The following TAP1 variants were observed in gnomAD, a reference collection of about 807,000 sequenced individuals.
TAP1 encodes antigen peptide transporter 1.
In TAP1, 56 loss-of-function variants were observed where a neutral mutation model predicts 79.3. The ratio of observed to expected loss-of-function variants is 0.71; its 90% confidence interval spans 0.57 to 0.88. The LOEUF (loss-of-function observed/expected upper bound fraction) is 0.88. Ranked by LOEUF, TAP1 falls within the 40% of genes least tolerant of loss-of-function variation. TAP1 has a pLI of 0.00. For missense variants in TAP1, 737 were observed against 936.3 expected (o/e 0.79, Z 2.78); for synonymous variants, 355 against 401.4 (o/e 0.88, Z 1.38).
At position 32,851,160 on chromosome 6, in the gene TAP1, G is replaced by C. The variant is rs1243992730; in HGVS notation, c.845-11C>G. 1 of 1,612,426 alleles carries C rather than the reference G, an allele frequency of 6.2e-7. No homozygotes were observed. The highest frequency in any genetic ancestry group is 8.5e-7 in the Non-Finnish European group (1 of 1,179,592). The stretch of plus-strand genomic sequence containing the variant: ...GAGACATGATGTTACCTGCAGGGTT[G>C]GGGAGAAGAGAGTGAGGTGAATCAG... On this transcript the variant is annotated splice_polypyrimidine_tract_variant and intron_variant, in intron 3 of 10. Transcript: ENST00000354258. This position sits in a 1 kb window ranked among gnomAD's most constrained non-coding sequence, Gnocchi z 4.8.
Position 32,848,995 on chromosome 6 carries a change from C to T in TAP1, c.1372G>A (p.Val458Met). 1 of 1,612,322 alleles carries T rather than the reference C, an allele frequency of 6.2e-7. No individual in the cohort carries two copies. The highest frequency in any genetic ancestry group is 8.5e-7 in the Non-Finnish European group (1 of 1,179,466). The change falls in exon 6 of 11, where the codon GTG (valine) becomes ATG (methionine). Residue 458 changes from valine to methionine, a missense_variant. Val to Met is a conservative substitution (Grantham distance 21). Coordinates refer to ENST00000354258, the MANE Select transcript of TAP1 (RefSeq NM_000593.6). The part of the protein sequence containing the change: ...VLYQMQFTQA[V>M]EVLLSIYPRV... The stretch of plus-strand genomic sequence containing the variant: ...TGAAGGTGGAGGGACCTCACCTCCA[C>T]AGCCTGGGTGAACTGCATCTGGTAG...
In TAP1 at chr6:32,850,943, C is replaced by G; in HGVS notation, c.1050+1G>C. On this transcript the variant is annotated splice_donor_variant, in intron 4 of 10. Transcript: ENST00000354258. LOFTEE classifies it high-confidence loss of function. The surrounding 1 kb of genome is among the most constrained non-coding windows in gnomAD (Gnocchi z 5.5). Reference sequence around the variant, plus strand: ...AGAGCGGGCCAACTCCATGAACATACCTGGTACCATTTTCCCACCTTCTTG... The same window carrying G: ...AGAGCGGGCCAACTCCATGAACATAGCTGGTACCATTTTCCCACCTTCTTG... The G allele has an allele frequency of 6.2e-7, 1 of 1,610,234 alleles. No individual in the cohort carries two copies. Among genetic ancestry groups the G allele is most frequent in the Non-Finnish European group, 8.5e-7 (1 of 1,179,124 alleles).
Position 32,852,814 on chromosome 6 carries a change from C to A in TAP1, c.598+225G>T. ...AAGGATTTCCCCGCTTCCGGCGTGG[C>A]CCAAAGAATCAAGACCCGGTCAGCA... is the stretch of plus-strand genomic sequence containing the variant. On this transcript the variant is annotated intron_variant, in intron 1 of 10. Transcript: ENST00000354258. This position sits in a 1 kb window ranked among gnomAD's most constrained non-coding sequence, Gnocchi z 4.8. 4.2e-6 allele frequency: 6 copies of A among 1,440,634 alleles called. No homozygotes were observed. In the South Asian group the frequency reaches 4.5e-5, roughly 11 times the overall value. 89.2% of individuals were successfully genotyped at this position (1,440,634 alleles called of 1,614,324 possible).
chr6:32,847,814 C>T lies in TAP1; in HGVS notation c.1740+105G>A. 4 of 1,579,854 alleles carry T rather than the reference C, an allele frequency of 2.5e-6. No homozygotes were observed. The highest frequency in any genetic ancestry group is 3.5e-6 in the Non-Finnish European group (4 of 1,150,726). ...CCTCCTGACTACACCACCATCTCCA[C>T]CCAAGGTCTCTTATCATTCCCTAAC... On this transcript the variant is annotated intron_variant, in intron 8 of 10. Coordinates refer to ENST00000354258, the MANE Select transcript of TAP1 (RefSeq NM_000593.6). The surrounding 1 kb of genome is among the most constrained non-coding windows in gnomAD (Gnocchi z 4.7).
chr6:32,848,882 G>T (rs1171233119), intron 6 of TAP1, 42 bp from the exon 7 acceptor site: 2 of 1,612,852 alleles, frequency 1.2e-6, no homozygotes, highest in African/African-American at 2.7e-5. Flanking sequence ...TAGTCTGCTT[G>T]CCAGCATTAT....
chr6:32,851,536 C>T lies in TAP1; in HGVS notation c.845-387G>A, dbSNP rs970539721. ...CATGCCAAAGTCTGTGGAGCACTCA[C>T]TGGGACTAGGGTTCTAACCCCAGGT... On this transcript the variant is annotated intron_variant, in intron 3 of 10. Coordinates refer to ENST00000354258, the MANE Select transcript of TAP1 (RefSeq NM_000593.6). The surrounding 1 kb of genome is among the most constrained non-coding windows in gnomAD (Gnocchi z 4.8). Among the ~76,000 whole-genome samples, 5 of 152,048 alleles carry T rather than the reference C, an allele frequency of 3.3e-5. No individual in the cohort carries two copies.
chr6:32,847,327 A>G lies in TAP1; in HGVS notation c.1904-123T>C. Reference sequence around the variant, plus strand: ...ACCAAGATCTGACGGTTGTAGCTGGATAGGGGAGATTCTGGGAAGATGAAC... The same window carrying G: ...ACCAAGATCTGACGGTTGTAGCTGGGTAGGGGAGATTCTGGGAAGATGAAC... On this transcript the variant is annotated intron_variant, in intron 9 of 10. Coordinates refer to ENST00000354258, the MANE Select transcript of TAP1 (RefSeq NM_000593.6). This position sits in a 1 kb window ranked among gnomAD's most constrained non-coding sequence, Gnocchi z 4.7. 1 of 1,520,706 alleles carries G rather than the reference A, an allele frequency of 6.6e-7. No individual in the cohort carries two copies. 94.2% of individuals were successfully genotyped at this position (1,520,706 alleles called of 1,614,324 possible).
chr6:32,845,973 T>A lies in TAP1; in HGVS notation c.2041-188A>T. On this transcript the variant is annotated intron_variant, in intron 10 of 10. Coordinates refer to ENST00000354258, the MANE Select transcript of TAP1 (RefSeq NM_000593.6). The surrounding 1 kb of genome is among the most constrained non-coding windows in gnomAD (Gnocchi z 4.5). ...TTGTTTCATTAAGGACTGTTTTACA[T>A]GAAGGGTGCAAAAGTAGGATAAAAA... 1 of 635,692 alleles carries A rather than the reference T, an allele frequency of 1.6e-6. No homozygotes were observed. The highest frequency in any genetic ancestry group is 1.7e-5 in the South Asian group (1 of 57,444). 39.4% of individuals were successfully genotyped at this position (635,692 alleles called of 1,614,324 possible). A position where few individuals can be genotyped will look rare whatever the true frequency, so the allele number is the denominator to read the frequency against.
rs779845052 is a variant in TAP1 at position 32,847,202 on chromosome 6, C to T, written c.1906G>A (p.Val636Ile). 25 of 1,611,528 alleles carry T rather than the reference C, an allele frequency of 1.6e-5. No homozygotes were observed. In the East Asian group the frequency reaches 5.6e-4, roughly 36 times the overall value. ...GACAGCTGGCTCCCAGCCTCGTCTA[C>T]CTCTGCAGAGCAAAGGGCCAAGATG... ...SGLPQGYDTE[V>I]DEAGSQLSGG... is the part of the protein sequence containing the mutation. The change falls in exon 10 of 11, where the codon GTA (valine) becomes ATA (isoleucine). Residue 636 changes from valine (V) to isoleucine (I), a missense_variant and splice_region_variant. Val to Ile is a conservative substitution (Grantham distance 29). Around this residue, in one of 5 missense-constraint regions of TAP1, gnomAD observed 266 missense variants for 332.4 expected, o/e 0.80. Transcript: ENST00000354258. The surrounding 1 kb of genome is among the most constrained non-coding windows in gnomAD (Gnocchi z 4.7).
rs927722672 is a variant in TAP1, at chr6:32,852,766, C to A, written c.599-264G>T. On this transcript the variant is annotated intron_variant, in intron 1 of 10. Transcript: ENST00000354258. This position sits in a 1 kb window ranked among gnomAD's most constrained non-coding sequence, Gnocchi z 4.8. The stretch of plus-strand genomic sequence containing the variant: ...AAGCCTCCTGTTAGAGATGAGGATG[C>A]CCCGCCCTTCGGCCCCAGAGCAAAG... 7 of 1,441,280 alleles carry A rather than the reference C, an allele frequency of 4.9e-6. No individual in the cohort carries two copies. Among genetic ancestry groups the A allele is most frequent in the Non-Finnish European group, 5.4e-6 (6 of 1,105,578 alleles). The allele number at this position is 1,441,280 out of a possible 1,614,324, so 89.3% of individuals were successfully genotyped here.
intron 5 of TAP1, 58 bp from the exon 6 acceptor site, chr6:32,849,176 G>T: frequency 6.4e-7 from 1 of 1,550,568 alleles, no homozygotes; most frequent in South Asian, 1.2e-5. Flanking sequence ...GGGACACAAA[G>T]AACCGCAGTC....
rs1209883031 is a variant in TAP1, at chr6:32,853,616, G to T, written c.21C>A (p.Pro7=). The part of the protein sequence containing the change: MASSRC[P]APRGCRCLPG... Reference sequence around the variant, plus strand: ...GGAGGCAGCGGCACCCGCGGGGAGCGGGACACCTAGAGCTAGCCATTGGCA... The same window carrying T: ...GGAGGCAGCGGCACCCGCGGGGAGCTGGACACCTAGAGCTAGCCATTGGCA... Residue 7 remains proline (P), a synonymous_variant, in exon 1 of 11, where the codon CCC becomes CCA. Coordinates refer to ENST00000354258, the MANE Select transcript of TAP1 (RefSeq NM_000593.6). The surrounding 1 kb of genome is among the most constrained non-coding windows in gnomAD (Gnocchi z 8.3). 1 of 1,611,962 alleles carries T rather than the reference G, an allele frequency of 6.2e-7. No homozygotes were observed. The highest frequency in any genetic ancestry group is 1.7e-5 in the Admixed American group (1 of 59,978).
rs1279117857 is a variant in TAP1 at position 32,848,072 on chromosome 6, G to T, written c.1587C>A (p.Arg529=). Reference sequence around the variant, plus strand: ...CCACCAGCGCCGTCACCTCGCCAGGGCGTAGGGTGAATGTCAGCCCCTAGA... The same window carrying T: ...CCACCAGCGCCGTCACCTCGCCAGGTCGTAGGGTGAATGTCAGCCCCTAGA... The part of the protein sequence containing the change: ...LVLQGLTFTL[R]PGEVTALVGP... The change falls in exon 8 of 11, where the codon CGC becomes CGA. Residue 529 remains arginine, a synonymous_variant. Coordinates refer to ENST00000354258, the MANE Select transcript of TAP1 (RefSeq NM_000593.6). The T allele has an allele frequency of 6.2e-7, 1 of 1,609,876 alleles. No homozygotes were observed. The highest frequency in any genetic ancestry group is 2.2e-5 in the East Asian group (1 of 44,682).
At position 32,846,051 on chromosome 6, in the gene TAP1, C is replaced by T. The variant is rs986030976; in HGVS notation, c.2041-266G>A. On this transcript the variant is annotated intron_variant, in intron 10 of 10. Coordinates refer to ENST00000354258, the MANE Select transcript of TAP1 (RefSeq NM_000593.6). ...AGAAGAATAAAGACTATTGAATAGT[C>T]CTCTTCTCTACCCATGGACTTGGCA... is the stretch of plus-strand genomic sequence containing the variant. 2.5e-5 allele frequency: 14 copies of T among 563,176 alleles called. No individual in the cohort carries two copies. The Admixed American group carries it at 2.7e-4, about 11-fold the overall frequency. The allele number at this position is 563,176 out of a possible 1,614,324, so 34.9% of individuals were successfully genotyped here. A position where few individuals can be genotyped will look rare whatever the true frequency, so the allele number is the denominator to read the frequency against.
At position 32,851,187 on chromosome 6, in the gene TAP1, C is replaced by T. The variant is rs770419101; in HGVS notation, c.845-38G>A. 2 of 1,601,548 alleles carry T rather than the reference C, an allele frequency of 1.2e-6. No homozygotes were observed. The highest frequency in any genetic ancestry group is 1.1e-5 in the South Asian group (1 of 90,330). On this transcript the variant is annotated intron_variant, in intron 3 of 10. Coordinates refer to ENST00000354258, the MANE Select transcript of TAP1 (RefSeq NM_000593.6). The surrounding 1 kb of genome is among the most constrained non-coding windows in gnomAD (Gnocchi z 4.8). ...GGAGAAGAGAGTGAGGTGAATCAGA[C>T]AGGTTCCAAGTGATGAGACGAACTA...
Position 32,850,947 on chromosome 6 carries a change from G to A in TAP1, c.1047C>T (p.Tyr349=), listed in dbSNP as rs1438437773. ...CGGGCCAACTCCATGAACATACCTG[G>A]TACCATTTTCCCACCTTCTTGGGCA... ...FLLPKKVGKW[Y]QLLEVQVRES... Residue 349 remains tyrosine (Y), a synonymous_variant, in exon 4 of 11, where the codon TAC becomes TAT. Transcript: ENST00000354258. The surrounding 1 kb of genome is among the most constrained non-coding windows in gnomAD (Gnocchi z 5.5). The A allele has an allele frequency of 6.2e-7, 1 of 1,611,192 alleles. No individual in the cohort carries two copies. The highest frequency in any genetic ancestry group is 1.7e-5 in the Admixed American group (1 of 59,902).
chr6:32,852,956 GCTACT>G lies in TAP1; in HGVS notation c.598+78_598+82del. 6.6e-7 allele frequency: 1 copy of G among 1,520,554 alleles called. No individual in the cohort carries two copies. Among genetic ancestry groups the G allele is most frequent in the Non-Finnish European group, 8.8e-7 (1 of 1,136,752 alleles). 94.2% of individuals were successfully genotyped at this position (1,520,554 alleles called of 1,614,324 possible). A position where few individuals can be genotyped will look rare whatever the true frequency, so the allele number is the denominator to read the frequency against. ...CTGCTCCACATTTCCCAGAACCCAC[GCTACT>G]CTACCTTACTGACAATTACCTTTGA... On this transcript the variant is annotated intron_variant, in intron 1 of 10. Coordinates refer to ENST00000354258, the MANE Select transcript of TAP1 (RefSeq NM_000593.6). The surrounding 1 kb of genome is among the most constrained non-coding windows in gnomAD (Gnocchi z 4.8).
Position 32,853,003 on chromosome 6 carries a change from C to T in TAP1, c.598+36G>A, listed in dbSNP as rs762300942. 6.3e-7 allele frequency: 1 copy of T among 1,589,738 alleles called. No homozygotes were observed. Among genetic ancestry groups the T allele is most frequent in the South Asian group, 1.1e-5 (1 of 88,436 alleles). ...TACCTTTGATTCCTGTCCCAGTCCC[C>T]TTGTGTCCTCCCCTCTTGCCCTGCG... On this transcript the variant is annotated intron_variant, in intron 1 of 10. Coordinates refer to ENST00000354258, the MANE Select transcript of TAP1 (RefSeq NM_000593.6). The surrounding 1 kb of genome is among the most constrained non-coding windows in gnomAD (Gnocchi z 8.3).
Position 32,850,675 on chromosome 6 carries a change from C to T in TAP1, c.1051-158G>A, listed in dbSNP as rs1001542046. On this transcript the variant is annotated intron_variant, in intron 4 of 10. Transcript: ENST00000354258. The surrounding 1 kb of genome is among the most constrained non-coding windows in gnomAD (Gnocchi z 5.5). ...ATGCCCCTTGGATGCTAAAGAAATA[C>T]GAGGAAGAGGAAAATGACTCAGAAC... Among the ~76,000 whole-genome samples the T allele has an allele frequency of 2.0e-5, 3 of 152,116 alleles. No individual in the cohort carries two copies. The highest frequency in any genetic ancestry group is 4.8e-5 in the African/African-American group (2 of 41,416).
Sources: gnomAD v4.1 joint callset for allele counts (sites outside exome capture counted in the v4.1 genomes callset) on GRCh38, gnomAD v4.1.1 for gene constraint, gnomAD v4.1.1 regional missense constraint, Gnocchi (gnomAD v3.1) non-coding constraint, MANE v1.5 for transcripts, NCBI Gene and HGNC (gene_info 2026-07-23, HGNC 2026-07-21) for gene names.